PKN2: variants seen among roughly 807,000 people sequenced by gnomAD.
The protein encoded by PKN2 is serine/threonine-protein kinase N2.
Under a neutral mutation model 119.1 loss-of-function variants are expected in PKN2, and 38 were observed. That is an observed-to-expected ratio of 0.32 (90% CI 0.25 to 0.42). PKN2 has a LOEUF of 0.42. Ranked by LOEUF, PKN2 falls within the 10% of genes least tolerant of loss-of-function variation. The probability of loss-of-function intolerance (pLI) is 1.00; values close to 1 mark genes in which losing one functional copy is unlikely to be tolerated. For missense variants in PKN2, 850 were observed against 1,165.1 expected, an observed-to-expected ratio of 0.73 and a Z score of 3.94; for synonymous variants, 390 against 384.9, an observed-to-expected ratio of 1.01 and a Z score of -0.15.
At chr1:88,702,186 T>A (rs1438057264) in intron 1 of PKN2, among the ~76,000 whole-genome samples, 3 of 152,184 alleles carry the variant, frequency 2.0e-5, no homozygotes, top group African/African-American at 7.2e-5. Context: ...CTCGAACTCT[T>A]GAGCCCAGGT....
chr1:88,744,125 T>TAA (rs2100750641), intron 2 of PKN2, among the ~76,000 whole-genome samples: 1 of 152,286 alleles, frequency 6.6e-6, no homozygotes, highest in East Asian at 1.9e-4. Context: ...GGATTAAAAT[T>TAA]AATGTCATTA....
intron 13 of PKN2, 40 bp downstream of exon 13, chr1:88,807,483 T>G (rs771028657): frequency 5.6e-6 from 9 of 1,604,466 alleles, no homozygotes; most frequent in Non-Finnish European, 6.8e-6. Context: ...ACATGTTTGG[T>G]ACCATACTTT....
chr1:88,731,634 T>C (rs1668145795), intron 1 of PKN2, among the ~76,000 whole-genome samples: 1 of 152,202 alleles, frequency 6.6e-6, no homozygotes, highest in Non-Finnish European at 1.5e-5. Flanking sequence ...CTAGCTAACA[T>C]AGTATATGAA....
chr1:88,763,993 G>C (rs1348852249), intron 3 of PKN2, among the ~76,000 whole-genome samples: 1 of 152,106 alleles, frequency 6.6e-6, no homozygotes, highest in East Asian at 1.9e-4. Context: ...TATTACCCTT[G>C]TGCATGTTGT....
chr1:88,833,226 T>A lies in PKN2; in HGVS notation c.2752-19T>A, dbSNP rs1324519361. 1 of 1,611,830 alleles carries A rather than the reference T, an allele frequency of 6.2e-7. No individual in the cohort carries two copies. Among genetic ancestry groups the A allele is most frequent in the Non-Finnish European group, 8.5e-7 (1 of 1,178,880 alleles). On this transcript the variant is annotated intron_variant, in intron 21 of 21. Coordinates refer to ENST00000370521, the MANE Select transcript of PKN2 (RefSeq NM_006256.4). ...AGATTTAACAAACTAAACTAGTCAT[T>A]TTTTATTTTATGATCCAGCTAATTG...
In PKN2 at chr1:88,833,818, C is replaced by A; in HGVS notation, c.*370C>A. The A allele has an allele frequency of 5.8e-6, 1 of 172,958 alleles. No individual in the cohort carries two copies. Among genetic ancestry groups the A allele is most frequent in the Non-Finnish European group, 1.2e-5 (1 of 81,902 alleles). 10.7% of individuals were successfully genotyped at this position (172,958 alleles called of 1,614,324 possible). On this transcript the variant is annotated 3_prime_UTR_variant, in exon 22 of 22. Transcript: ENST00000370521. ...CGCCTTAAGTGGAAGGAAAGTTAAT[C>A]ACTTAACTATGTTTTATAAAAAGAA...
intron 8 of PKN2, among the ~76,000 whole-genome samples, chr1:88,789,498 A>G (rs1474803928): frequency 1.3e-5 from 2 of 151,962 alleles, no homozygotes; most frequent in African/African-American, 4.8e-5. Context: ...CCCTATCTCT[A>G]TTAAAAATAC....
At position 88,827,678 on chromosome 1, in the gene PKN2, C is replaced by A. The variant is rs1298214489; in HGVS notation, c.2420-803C>A. On this transcript the variant is annotated intron_variant, in intron 18 of 21. Coordinates refer to ENST00000370521, the MANE Select transcript of PKN2 (RefSeq NM_006256.4). ...CCTCCCCTCCCGTCCCCTCCTCTCTCTCTCTCTATATATAATATATATTGA... is the reference window on the plus strand; with the variant it reads ...CCTCCCCTCCCGTCCCCTCCTCTCTATCTCTCTATATATAATATATATTGA... 1.1e-3 allele frequency among the ~76,000 whole-genome samples: 133 copies of A among 123,892 alleles called. 1 individual carries two copies. Among genetic ancestry groups the A allele is most frequent in the African/African-American group, 3.8e-3 (130 of 34,160 alleles). The allele number at this position is 123,892 out of a possible 152,430, so 81.3% of individuals were successfully genotyped here.
rs1160152536 is a variant in PKN2, at chr1:88,835,565, T to C, written c.*2117T>C. The C allele has an allele frequency of 6.6e-6, 1 of 152,406 alleles. No homozygotes were observed. The highest frequency in any genetic ancestry group is 1.5e-5 in the Non-Finnish European group (1 of 67,914). 9.4% of individuals were successfully genotyped at this position (152,406 alleles called of 1,614,324 possible). On this transcript the variant is annotated 3_prime_UTR_variant, in exon 22 of 22. Coordinates refer to ENST00000370521, the MANE Select transcript of PKN2 (RefSeq NM_006256.4). ...AATTTTTTGTAGTTTAAAATATATA[T>C]ATATTTTAGTCAGATTTAAAATTTT... is the stretch of plus-strand genomic sequence containing the variant.
intron 2 of PKN2, among the ~76,000 whole-genome samples, chr1:88,741,965 T>G (rs1299715437): frequency 6.6e-6 from 1 of 152,104 alleles, no homozygotes; most frequent in Non-Finnish European, 1.5e-5. Flanking sequence ...TCTTTCTTTC[T>G]TAGACCGTCT....
chr1:88,691,622 T>A (rs1666338100), intron 1 of PKN2, among the ~76,000 whole-genome samples: 2 of 152,332 alleles, frequency 1.3e-5, no homozygotes, highest in Middle Eastern at 3.4e-3. Flanking sequence ...CTAGGAACTT[T>A]AACCTACGTA....
At chr1:88,738,391 A>G in intron 1 of PKN2, among the ~76,000 whole-genome samples, 1 of 152,250 alleles carries the variant, frequency 6.6e-6, no homozygotes, top group East Asian at 1.9e-4. Context: ...CTTTGAAACA[A>G]AGTAAAAGTT....
chr1:88,732,271 TG>T (rs1668170815), intron 1 of PKN2, among the ~76,000 whole-genome samples: 1 of 152,116 alleles, frequency 6.6e-6, no homozygotes, highest in Non-Finnish European at 1.5e-5. Context: ...AAAAAAGAAG[TG>T]GAGAAAATTT....
intron 8 of PKN2, among the ~76,000 whole-genome samples, chr1:88,788,364 A>G (rs888139163): frequency 2.0e-5 from 3 of 152,174 alleles, no homozygotes; most frequent in South Asian, 2.1e-4. Context: ...AATTGTTGGT[A>G]TAATTTAGCT....
intron 1 of PKN2, 21 bp downstream of exon 1, chr1:88,684,649 G>A: frequency 6.6e-7 from 1 of 1,517,190 alleles, no homozygotes. Flanking sequence ...CGGCCCTGGT[G>A]AGAGGCGCTG....
At chr1:88,745,243 AG>A (rs1479791556) in intron 2 of PKN2, among the ~76,000 whole-genome samples, 1 of 152,230 alleles carries the variant, frequency 6.6e-6, no homozygotes, top group Non-Finnish European at 1.5e-5. Flanking sequence ...TTTTCAGCAT[AG>A]TACTGTTAAG....
chr1:88,684,572 C>T lies in PKN2; in HGVS notation c.-9C>T. The T allele has an allele frequency of 5.8e-6, 9 of 1,551,516 alleles. No homozygotes were observed. The highest frequency in any genetic ancestry group is 7.8e-6 in the Non-Finnish European group (9 of 1,148,826). On this transcript the variant is annotated 5_prime_UTR_variant, in exon 1 of 22. Transcript: ENST00000370521. The stretch of plus-strand genomic sequence containing the variant: ...CCGCGTCCAGGTGCGGAGTCCATAC[C>T]GGAGCGCAATGGCGTCCAACCCCGA...
chr1:88,736,804 C>T (rs1156394855), intron 1 of PKN2, among the ~76,000 whole-genome samples: 1 of 152,172 alleles, frequency 6.6e-6, no homozygotes, highest in African/African-American at 2.4e-5. Flanking sequence ...GAGCCCTTGG[C>T]CACTATCACT....
At position 88,714,160 on chromosome 1, in the gene PKN2, T is replaced by A. The variant is rs548489139; in HGVS notation, c.49-26828T>A. The stretch of plus-strand genomic sequence containing the variant: ...GTCTATATCTCTGTTTTGGTACCAG[T>A]ACCGTGCTGTTTTGGTTACTGTAGC... On this transcript the variant is annotated intron_variant, in intron 1 of 21. Coordinates refer to ENST00000370521, the MANE Select transcript of PKN2 (RefSeq NM_006256.4). Among the ~76,000 whole-genome samples the A allele has an allele frequency of 1.2e-4, 18 of 152,332 alleles. No homozygotes were observed. The East Asian group carries it at 3.3e-3, about 28-fold the overall frequency.
Sources: gnomAD v4.1 joint callset for allele counts (sites outside exome capture counted in the v4.1 genomes callset) on GRCh38, gnomAD v4.1.1 for gene constraint, MANE v1.5 for transcripts, NCBI Gene and HGNC (gene_info 2026-07-23, HGNC 2026-07-21) for gene names.